The following TAT variants were observed in gnomAD, a reference collection of about 807,000 sequenced individuals.
TAT encodes the protein tyrosine aminotransferase.
In TAT, 35 loss-of-function variants were observed where a neutral mutation model predicts 53.6. The observed-to-expected ratio is 0.65, with a 90% CI of 0.50 to 0.87. TAT has a LOEUF of 0.87. Ranked by LOEUF, TAT falls within the 40% of genes least tolerant of loss-of-function variation. The pLI is 0.00. For missense variants in TAT, 525 were observed against 571.8 expected (o/e 0.92, Z 0.83); for synonymous variants, 197 against 206.5 (o/e 0.95, Z 0.39).
chr16:71,573,998 A>C (rs2044220687), intron 3 of TAT, among the ~76,000 whole-genome samples: 1 of 152,116 alleles, frequency 6.6e-6, no homozygotes, highest in African/African-American at 2.4e-5. Context: ...TGAAGTTTTC[A>C]TCCCTCAACT....
intron 7 of TAT, 22 bp downstream of exon 7, chr16:71,571,584 A>C (rs776580828): frequency 1.2e-6 from 2 of 1,606,008 alleles, no homozygotes; most frequent in Non-Finnish European, 1.7e-6. Flanking sequence ...TACTGTAGTG[A>C]TATATCCTGA....
chr16:71,576,561 C>A, intron 1 of TAT, 134 bp from the exon 2 acceptor site: 1 of 790,338 alleles, frequency 1.3e-6, no homozygotes, highest in East Asian at 2.7e-5. Context: ...TTTTTTTCTA[C>A]TTTCTGTTGT....
chr16:71,576,359 G>A lies in TAT; in HGVS notation c.57C>T (p.Asp19=), dbSNP rs777582600. ...SSKGNLPSIL[D]VHVNVGGRSS... The stretch of plus-strand genomic sequence containing the variant: ...TTCTCCCACCAACGTTGACATGCAC[G>A]TCCAGAATTGAGGGGAGGTTGCCTT... Residue 19 remains aspartate (D), a synonymous_variant, in exon 2 of 12, where the codon GAC becomes GAT. Coordinates refer to ENST00000355962, the MANE Select transcript of TAT (RefSeq NM_000353.3). The A allele has an allele frequency of 1.7e-5, 28 of 1,613,978 alleles. No individual in the cohort carries two copies. The highest frequency in any genetic ancestry group is 1.6e-4 in the Middle Eastern group (1 of 6,082).
rs202010343 is a variant in TAT at position 71,569,911 on chromosome 16, C to A, written c.1068G>T (p.Ala356=). 2.5e-6 allele frequency: 4 copies of A among 1,613,574 alleles called. No individual in the cohort carries two copies. The East Asian group carries it at 8.9e-5, about 36-fold the overall frequency. Residue 356 remains alanine (A), a synonymous_variant, in exon 10 of 12, where the codon GCG becomes GCT. Coordinates refer to ENST00000355962, the MANE Select transcript of TAT (RefSeq NM_000353.3). The stretch of plus-strand genomic sequence containing the variant: ...GCCGGAGTCCAGGGATGGCAGCCAA[C>A]GCCCCATAACAGAGATCAGCATTGG... ...LKSNADLCYG[A]LAAIPGLRPV...
chr16:71,576,315 A>G lies in TAT; in HGVS notation c.101T>C (p.Met34Thr). Residue 34 changes from methionine (M) to threonine (T), a missense_variant, in exon 2 of 12, where the codon ATG becomes ACG. Met to Thr is a moderately conservative substitution (Grantham distance 81). Transcript: ENST00000355962. ...AGACCACCTGGCCTTTCTGCCTTTCATTTTTCCCGGCACAGAGCTTCTCCC... is the reference window on the plus strand; with the variant it reads ...AGACCACCTGGCCTTTCTGCCTTTCGTTTTTCCCGGCACAGAGCTTCTCCC... ...VGGRSSVPGK[M>T]KGRKARWSVR... 6.2e-7 allele frequency: 1 copy of G among 1,613,986 alleles called. No homozygotes were observed. The highest frequency in any genetic ancestry group is 8.5e-7 in the Non-Finnish European group (1 of 1,180,002).
chr16:71,568,551 G>A (rs767538676), intron 11 of TAT, 160 bp downstream of exon 11: 10 of 746,066 alleles, frequency 1.3e-5, no homozygotes, highest in Non-Finnish European at 2.3e-5. Flanking sequence ...GGGGGGAGAA[G>A]CAAATTTTAA....
rs1383405389 is a variant in TAT, at chr16:71,576,209, T to C, written c.207A>G (p.Pro69=). The change falls in exon 2 of 12, where the codon CCA becomes CCG. Residue 69 remains proline, a synonymous_variant. Coordinates refer to ENST00000355962, the MANE Select transcript of TAT (RefSeq NM_000353.3). ...IVDNMKVKPN[P]NKTMISLSIG... ...TGGACAGGGAAATCATGGTTTTGTT[T>C]GGATTTGGTTTCACCTTCATGTTGT... 3.1e-6 allele frequency: 5 copies of C among 1,614,154 alleles called. No homozygotes were observed. Among genetic ancestry groups the C allele is most frequent in the Non-Finnish European group, 4.2e-6 (5 of 1,180,024 alleles).
intron 9 of TAT, 126 bp downstream of exon 9, chr16:71,570,143 T>A (rs1597053123): frequency 4.0e-6 from 6 of 1,495,310 alleles, no homozygotes; most frequent in East Asian, 4.8e-5. Context: ...GTGTGGATGC[T>A]TACACCGATG....
chr16:71,572,162 C>G (rs775280392), intron 6 of TAT, 24 bp downstream of exon 6: 3 of 1,614,020 alleles, frequency 1.9e-6, no homozygotes, highest in Admixed American at 3.3e-5. Flanking sequence ...CCACCTCGTC[C>G]TCTGTGAAGT....
chr16:71,571,576 C>G (rs1400443583), intron 7 of TAT, 30 bp downstream of exon 7: 1 of 1,592,694 alleles, frequency 6.3e-7, no homozygotes, highest in Non-Finnish European at 8.6e-7. Context: ...TTTGAGATTA[C>G]TGTAGTGATA....
chr16:71,567,424 A>G lies in TAT; in HGVS notation c.*720T>C, dbSNP rs1042562472. On this transcript the variant is annotated 3_prime_UTR_variant, in exon 12 of 12. Coordinates refer to ENST00000355962, the MANE Select transcript of TAT (RefSeq NM_000353.3). Reference sequence around the variant, plus strand: ...ACTCCATCTCAAAATAAAGAAAGAAAGAAACAAAGAAAAGAAAAGCTTATA... The same window carrying G: ...ACTCCATCTCAAAATAAAGAAAGAAGGAAACAAAGAAAAGAAAAGCTTATA... 1.3e-5 allele frequency: 2 copies of G among 152,198 alleles called. No individual in the cohort carries two copies. The highest frequency in any genetic ancestry group is 6.5e-5 in the Admixed American group (1 of 15,282). 9.4% of individuals were successfully genotyped at this position (152,198 alleles called of 1,614,324 possible).
intron 4 of TAT, among the ~76,000 whole-genome samples, chr16:71,573,243 G>A (rs1386332438): frequency 6.6e-6 from 1 of 152,060 alleles, no homozygotes; most frequent in Non-Finnish European, 1.5e-5. Context: ...TTTATGAGTT[G>A]TTCTCAAATG....
intron 11 of TAT, 111 bp downstream of exon 11, chr16:71,568,600 A>T (rs2044179899): frequency 1.1e-6 from 1 of 895,460 alleles, no homozygotes; most frequent in Admixed American, 2.0e-5. Context: ...ATCTTATCAA[A>T]TGAGAAGACA....
intron 1 of TAT, among the ~76,000 whole-genome samples, chr16:71,576,804 C>T (rs904198330): frequency 6.6e-6 from 1 of 152,210 alleles, no homozygotes; most frequent in African/African-American, 2.4e-5. Context: ...CTACCTAATG[C>T]TTCTTGTCAT....
Position 71,565,901 on chromosome 16 carries a change from C to T in TAT, c.*2243G>A, listed in dbSNP as rs1729803332. 6.6e-6 allele frequency: 1 copy of T among 152,138 alleles called. No individual in the cohort carries two copies. The highest frequency in any genetic ancestry group is 6.5e-5 in the Admixed American group (1 of 15,284). The allele number at this position is 152,138 out of a possible 1,614,324, so 9.4% of individuals were successfully genotyped here. On this transcript the variant is annotated 3_prime_UTR_variant, in exon 12 of 12. Transcript: ENST00000355962. ...TGTTCTTTTCAAATGTTTGAAGAAC[C>T]ATTGGCTCCCTTATCAAAATGTAAA...
intron 9 of TAT, 89 bp downstream of exon 9, chr16:71,570,180 C>A (rs2044191595): frequency 6.3e-7 from 1 of 1,596,994 alleles, no homozygotes. Flanking sequence ...GAACATGGCT[C>A]CAGAAAGGAG....
intron 4 of TAT, among the ~76,000 whole-genome samples, 160 bp downstream of exon 4, chr16:71,573,379 T>C (rs1225152741): frequency 6.6e-6 from 1 of 152,166 alleles, no homozygotes; most frequent in East Asian, 1.9e-4. Context: ...TAATCACTGA[T>C]TAGTGACCCC....
rs998159941 is a variant in TAT, at chr16:71,566,163, T to G, written c.*1981A>C. Reference sequence around the variant, plus strand: ...TGAAATCTTTATCTAATCTCATCCTTTGTATATTCGTCTTGGATTTGCTGA... The same window carrying G: ...TGAAATCTTTATCTAATCTCATCCTGTGTATATTCGTCTTGGATTTGCTGA... On this transcript the variant is annotated 3_prime_UTR_variant, in exon 12 of 12. Coordinates refer to ENST00000355962, the MANE Select transcript of TAT (RefSeq NM_000353.3). The G allele has an allele frequency of 2.6e-5, 4 of 152,160 alleles. No individual in the cohort carries two copies. Among genetic ancestry groups the G allele is most frequent in the African/African-American group, 9.7e-5 (4 of 41,440 alleles). The allele number at this position is 152,160 out of a possible 1,614,324, so 9.4% of individuals were successfully genotyped here.
At chr16:71,570,141 G>T (rs1318612627) in intron 9 of TAT, 128 bp downstream of exon 9, 9 of 1,475,812 alleles carry the variant, frequency 6.1e-6, no homozygotes, top group Non-Finnish European at 8.3e-6. Flanking sequence ...GTGTGTGGAT[G>T]CTTACACCGA....
Sources: allele counts gnomAD v4.1 joint callset (sites outside exome capture counted in the v4.1 genomes callset), GRCh38; gene constraint gnomAD v4.1.1; transcripts MANE v1.5; gene names NCBI Gene and HGNC (gene_info 2026-07-23, HGNC 2026-07-21).